SLC8A1: variants seen among roughly 807,000 people sequenced by gnomAD.
The protein encoded by SLC8A1 is solute carrier family 8 member A1.
A neutral mutation model predicts 68.3 loss-of-function variants in SLC8A1; 18 were observed. That is an observed-to-expected ratio of 0.26 (90% confidence interval 0.18 to 0.39). The LOEUF (loss-of-function observed/expected upper bound fraction) is 0.39. Among genes scored for constraint, SLC8A1 ranks in the 10% least tolerant of loss-of-function variants. The pLI is 1.00. For missense variants in SLC8A1, 985 were observed against 1,156.7 expected, an observed-to-expected ratio of 0.85 and a Z score of 2.15; for synonymous variants, 475 against 415.5, an observed-to-expected ratio of 1.14 and a Z score of -1.74.
chr2:40,100,428 G>T (rs1457227616), exon 8 of SLC8A1: 2 of 152,050 alleles, frequency 1.3e-5, no homozygotes, highest in African/African-American at 4.8e-5. Flanking sequence ...GCAAAAGTTG[G>T]GAATGAGGTC....
chr2:40,322,580 G>A (rs964078881), intron 2 of SLC8A1, among the ~76,000 whole-genome samples: 1 of 151,694 alleles, frequency 6.6e-6, no homozygotes, highest in African/African-American at 2.4e-5. Flanking sequence ...GGAGTCCGAG[G>A]CAGGAGGGTC....
chr2:40,380,599 C>A (rs1681423396), intron 2 of SLC8A1, among the ~76,000 whole-genome samples: 1 of 152,098 alleles, frequency 6.6e-6, no homozygotes, highest in Non-Finnish European at 1.5e-5. Context: ...CCACCAGCTG[C>A]ACTTGAAGAA....
At chr2:40,245,385 A>G (rs1382733795) in intron 2 of SLC8A1, among the ~76,000 whole-genome samples, 2 of 151,484 alleles carry the variant, frequency 1.3e-5, no homozygotes, top group African/African-American at 2.4e-5. Context: ...CCTTATGACA[A>G]AATTCACAGT....
In SLC8A1 at chr2:40,382,874, A is replaced by G. The variant is rs1404243101; in HGVS notation, c.1808+45599T>C. 3.9e-5 allele frequency among the ~76,000 whole-genome samples: 6 copies of G among 152,140 alleles called. No individual in the cohort carries two copies. In the South Asian group the frequency reaches 1.0e-3, roughly 26 times the overall value. On this transcript the variant is annotated intron_variant, in intron 2 of 7. Coordinates refer to ENST00000406785, the Ensembl canonical transcript of SLC8A1. ...GACATTTTGATTAACTACCAGGAAT[A>G]TAAGAGGGATTCTATTATAATTATG...
Position 40,449,078 on chromosome 2 carries a change from T to C in SLC8A1, c.-25+2826A>G, listed in dbSNP as rs189895117. Among the ~76,000 whole-genome samples the C allele has an allele frequency of 1.3e-3, 202 of 151,674 alleles. 2 individuals carry two copies. The highest frequency in any genetic ancestry group is 4.7e-3 in the African/African-American group (193 of 41,356). On this transcript the variant is annotated intron_variant, in intron 1 of 7. Coordinates refer to ENST00000406785, the Ensembl canonical transcript of SLC8A1. Reference sequence around the variant, plus strand: ...TATTTTTAGGGCAGTCTCCTTCTTATCTATATACTATCCTCCCTGTACCTA... The same window carrying C: ...TATTTTTAGGGCAGTCTCCTTCTTACCTATATACTATCCTCCCTGTACCTA...
intron 2 of SLC8A1, among the ~76,000 whole-genome samples, chr2:40,193,351 T>G (rs1045350907): frequency 1.3e-5 from 2 of 152,044 alleles, no homozygotes; most frequent in Non-Finnish European, 2.9e-5. Flanking sequence ...CTGGCCCACA[T>G]TAGGCATTGG....
intron 2 of SLC8A1, among the ~76,000 whole-genome samples, chr2:40,263,078 C>T (rs553187581): frequency 4.9e-4 from 74 of 152,324 alleles, no homozygotes; most frequent in Non-Finnish European, 6.5e-4. Context: ...CAGCGAATGA[C>T]TTACATTTTG....
chr2:40,265,126 C>T (rs1057069039), intron 2 of SLC8A1, among the ~76,000 whole-genome samples: 1 of 152,056 alleles, frequency 6.6e-6, no homozygotes, highest in Non-Finnish European at 1.5e-5. Flanking sequence ...TTTCAGAAGG[C>T]GGATTGTCCA....
chr2:40,368,377 ATTCAT>A (rs1464737134), intron 2 of SLC8A1, among the ~76,000 whole-genome samples: 1 of 152,034 alleles, frequency 6.6e-6, no homozygotes, highest in Non-Finnish European at 1.5e-5. Context: ...ATAAAAATAA[ATTCAT>A]TTCAACATGG....
At chr2:40,204,715 A>G (rs2055049103) in intron 2 of SLC8A1, among the ~76,000 whole-genome samples, 1 of 152,032 alleles carries the variant, frequency 6.6e-6, no homozygotes, top group Admixed American at 6.6e-5. Flanking sequence ...AAAAAGATAA[A>G]GGTGAAAATT....
At chr2:40,150,250 A>G (rs1322350734) in intron 6 of SLC8A1, among the ~76,000 whole-genome samples, 1 of 152,108 alleles carries the variant, frequency 6.6e-6, no homozygotes, top group African/African-American at 2.4e-5. Flanking sequence ...GTGGCTTTTC[A>G]TTGCAGGAGT....
At chr2:40,424,100 C>G (rs998963229) in intron 2 of SLC8A1, among the ~76,000 whole-genome samples, 5 of 151,866 alleles carry the variant, frequency 3.3e-5, no homozygotes, top group African/African-American at 1.2e-4. Flanking sequence ...TAAAGTAAAG[C>G]TTGAATATGT....
intron 2 of SLC8A1, among the ~76,000 whole-genome samples, chr2:40,379,573 T>G (rs979019794): frequency 7.9e-5 from 12 of 151,988 alleles, no homozygotes; most frequent in Non-Finnish European, 1.3e-4. Context: ...GTCCTTAGCT[T>G]GACTATGTTG....
intron 2 of SLC8A1, among the ~76,000 whole-genome samples, chr2:40,321,040 T>A (rs572122285): frequency 1.3e-5 from 2 of 152,132 alleles, no homozygotes; most frequent in Non-Finnish European, 1.5e-5. Flanking sequence ...ACTCCCTGAA[T>A]TGGGAGCTAA....
chr2:40,363,055 G>A (rs1675063168), intron 2 of SLC8A1, among the ~76,000 whole-genome samples: 1 of 151,870 alleles, frequency 6.6e-6, no homozygotes, highest in Non-Finnish European at 1.5e-5. Flanking sequence ...CCCCTAGAAG[G>A]TACTGCTTTC....
At chr2:40,099,033 T>C (rs1335206420) in exon 8 of SLC8A1, 1 of 152,028 alleles carries the variant, frequency 6.6e-6, no homozygotes, top group Non-Finnish European at 1.5e-5. Context: ...AAAATATTTG[T>C]TTAGTGCATT....
chr2:40,290,467 C>T (rs1376591698), intron 2 of SLC8A1, among the ~76,000 whole-genome samples: 1 of 152,092 alleles, frequency 6.6e-6, no homozygotes, highest in East Asian at 1.9e-4. Flanking sequence ...GGTGCATTGT[C>T]TCAAAGAAAA....
intron 2 of SLC8A1, among the ~76,000 whole-genome samples, chr2:40,183,030 C>G (rs1177219536): frequency 6.6e-6 from 1 of 152,164 alleles, no homozygotes; most frequent in African/African-American, 2.4e-5. Flanking sequence ...TTACCCTCTC[C>G]TTAGATATTC....
intron 2 of SLC8A1, among the ~76,000 whole-genome samples, chr2:40,288,847 A>ATATATATATATATATATATATATATG (rs1559107830): frequency 7.1e-6 from 1 of 140,112 alleles, no homozygotes; most frequent in African/African-American, 2.9e-5. Flanking sequence ...ATATATATAT[A>ATATATATATATATATATATATATATG]TATATGTATA....
Sources: gnomAD v4.1 joint callset for allele counts (sites outside exome capture counted in the v4.1 genomes callset) on GRCh38, gnomAD v4.1.1 for gene constraint, MANE v1.5 for transcripts, NCBI Gene and HGNC (gene_info 2026-07-23, HGNC 2026-07-21) for gene names.